Variants in BNIP3L observed in about 807,000 individuals in gnomAD.
BNIP3L encodes the protein BCL2/adenovirus E1B 19 kDa protein-interacting protein 3-like.
Under a neutral mutation model 25.5 loss-of-function variants are expected in BNIP3L, and 10 were observed. That is an observed-to-expected ratio of 0.39 (90% CI 0.24 to 0.67). The LOEUF is 0.67. Ranked by LOEUF, BNIP3L falls within the 30% of genes least tolerant of loss-of-function variation. The pLI is 0.45. For missense variants in BNIP3L, 215 were observed against 270.9 expected (o/e 0.79, Z 1.45); for synonymous variants, 113 against 101.2 (o/e 1.12, Z -0.70).
At chr8:26,392,469 A>G (rs918643450) in intron 2 of BNIP3L, among the ~76,000 whole-genome samples, 4 of 152,224 alleles carry the variant, frequency 2.6e-5, no homozygotes, top group Non-Finnish European at 5.9e-5. Flanking sequence ...AAAAGGAGAA[A>G]TGAGTTAAAT....
At chr8:26,395,062 G>A (rs548902780) in intron 2 of BNIP3L, among the ~76,000 whole-genome samples, 168 bp from the exon 3 acceptor site, 4 of 152,246 alleles carry the variant, frequency 2.6e-5, no homozygotes, top group African/African-American at 7.2e-5. Context: ...ATTTCATTTA[G>A]CCTTTTAATA....
intron 1 of BNIP3L, among the ~76,000 whole-genome samples, chr8:26,386,044 C>T (rs1442054644): frequency 6.6e-6 from 1 of 152,160 alleles, no homozygotes; most frequent in Non-Finnish European, 1.5e-5. Flanking sequence ...GGTAAAGTTG[C>T]ACAACTGAAA....
At chr8:26,407,901 CA>C in intron 3 of BNIP3L, 98 bp from the exon 4 acceptor site, 1 of 1,045,824 alleles carries the variant, frequency 9.6e-7, no homozygotes, top group African/African-American at 1.6e-5. Context: ...TTCTGAGACA[CA>C]ACCTTATGAG....
intron 2 of BNIP3L, among the ~76,000 whole-genome samples, chr8:26,392,637 A>G (rs1806139519): frequency 6.6e-6 from 1 of 151,742 alleles, no homozygotes. Flanking sequence ...CTCTTGTCAT[A>G]AGCGGAACCA....
chr8:26,410,279 G>A (rs1211950439), intron 5 of BNIP3L, 85 bp from the exon 6 acceptor site: 1 of 1,476,970 alleles, frequency 6.8e-7, no homozygotes, highest in African/African-American at 1.4e-5. Flanking sequence ...AAAGACTGAA[G>A]AGTTTTAAGT....
At chr8:26,404,311 AC>A (rs1023721174) in intron 3 of BNIP3L, among the ~76,000 whole-genome samples, 45 of 152,356 alleles carry the variant, frequency 3.0e-4, no homozygotes, top group African/African-American at 1.0e-3. Flanking sequence ...GTTGAGTGTT[AC>A]TGAAAAATGA....
At chr8:26,390,009 T>C (rs1288722361) in intron 1 of BNIP3L, among the ~76,000 whole-genome samples, 1 of 152,230 alleles carries the variant, frequency 6.6e-6, no homozygotes, top group African/African-American at 2.4e-5. Flanking sequence ...GTACATTTTC[T>C]AAAACAAAAT....
At position 26,383,244 on chromosome 8, in the gene BNIP3L, C is replaced by T. The variant is rs201404144; in HGVS notation, c.100+14C>T. 5 of 1,600,358 alleles carry T rather than the reference C, an allele frequency of 3.1e-6. No homozygotes were observed. In the African/African-American group the frequency reaches 6.7e-5, roughly 21 times the overall value. ...CCGGCCTCAACAGTGAGTGCGGGGC[C>T]GAGGCTCTGTGAAGGGGATGGGGGA... On this transcript the variant is annotated intron_variant, in intron 1 of 5. Coordinates refer to ENST00000380629, the MANE Select transcript of BNIP3L (RefSeq NM_004331.3).
chr8:26,404,718 G>C (rs921284695), intron 3 of BNIP3L, among the ~76,000 whole-genome samples: 1 of 152,160 alleles, frequency 6.6e-6, no homozygotes, highest in Non-Finnish European at 1.5e-5. Context: ...GTGCTGGCCA[G>C]GCTGGTCTCA....
In BNIP3L at chr8:26,410,637, CAG is replaced by C. The variant is rs1806601323; in HGVS notation, c.*228_*229del. ...CTGAAGACATTTTAGAATTTCCTAA[CAG>C]AGTTTACTGTTGTTTAGAAATTTGC... On this transcript the variant is annotated 3_prime_UTR_variant, in exon 6 of 6. Transcript: ENST00000380629. 9.1e-6 allele frequency: 5 copies of C among 549,232 alleles called. No individual in the cohort carries two copies. Among genetic ancestry groups the C allele is most frequent in the South Asian group, 8.6e-5 (4 of 46,344 alleles). The allele number at this position is 549,232 out of a possible 1,614,324, so 34.0% of individuals were successfully genotyped here.
At chr8:26,392,760 C>T (rs1313943658) in intron 2 of BNIP3L, among the ~76,000 whole-genome samples, 4 of 152,108 alleles carry the variant, frequency 2.6e-5, no homozygotes, top group African/African-American at 9.7e-5. Context: ...TGATGGGTTT[C>T]TCAAGTTTTC....
intron 1 of BNIP3L, among the ~76,000 whole-genome samples, chr8:26,385,614 GGGGCGA>G (rs1306178746): frequency 1.6e-5 from 2 of 126,224 alleles, no homozygotes; most frequent in South Asian, 2.6e-4. Flanking sequence ...AAAAAAAAAA[GGGGCGA>G]GGGCGGGGGC....
At chr8:26,403,080 G>T (rs2117488767) in intron 3 of BNIP3L, among the ~76,000 whole-genome samples, 1 of 152,242 alleles carries the variant, frequency 6.6e-6, no homozygotes, top group South Asian at 2.1e-4. Flanking sequence ...CCCTTCTCAG[G>T]ACCAAATCCC....
chr8:26,405,586 G>A (rs536871436), intron 3 of BNIP3L, among the ~76,000 whole-genome samples: 5 of 152,288 alleles, frequency 3.3e-5, no homozygotes, highest in East Asian at 3.9e-4. Flanking sequence ...GACCTGTCAA[G>A]AGTCATGTGA....
At chr8:26,408,922 C>T (rs1488034456) in intron 5 of BNIP3L, among the ~76,000 whole-genome samples, 1 of 148,196 alleles carries the variant, frequency 6.7e-6, no homozygotes, top group Non-Finnish European at 1.5e-5. Context: ...CCTAAATGAT[C>T]AAATGTAAGC....
intron 3 of BNIP3L, 129 bp from the exon 4 acceptor site, chr8:26,407,871 A>G: frequency 1.3e-6 from 1 of 763,118 alleles, no homozygotes; most frequent in Non-Finnish European, 2.1e-6. Flanking sequence ...TAGAAAAGCA[A>G]CATGTTTGTT....
Position 26,412,845 on chromosome 8 carries a change from CAA to C in BNIP3L, c.*2434_*2435del, listed in dbSNP as rs1202895932. The stretch of plus-strand genomic sequence containing the variant: ...GGCTCAAGATGTTTGTAAATAGAAT[CAA>C]GAGCAAAACTGCACAAACTTGCACA... On this transcript the variant is annotated 3_prime_UTR_variant, in exon 6 of 6. Coordinates refer to ENST00000380629, the MANE Select transcript of BNIP3L (RefSeq NM_004331.3). 1 of 152,566 alleles carries C rather than the reference CAA, an allele frequency of 6.6e-6. No individual in the cohort carries two copies. Among genetic ancestry groups the C allele is most frequent in the Non-Finnish European group, 1.5e-5 (1 of 68,030 alleles). 9.5% of individuals were successfully genotyped at this position (152,566 alleles called of 1,614,324 possible).
At chr8:26,404,642 G>A (rs1205909768) in intron 3 of BNIP3L, among the ~76,000 whole-genome samples, 1 of 152,132 alleles carries the variant, frequency 6.6e-6, no homozygotes, top group East Asian at 1.9e-4. Context: ...CAAGAAGCTG[G>A]GATTACAGGT....
chr8:26,398,577 A>G (rs1806299342), intron 3 of BNIP3L, among the ~76,000 whole-genome samples: 1 of 135,848 alleles, frequency 7.4e-6, no homozygotes, highest in South Asian at 2.6e-4. Flanking sequence ...GAAAAGCAAG[A>G]GCAAACACAT....
Sources: gnomAD v4.1 joint callset for allele counts (sites outside exome capture counted in the v4.1 genomes callset) on GRCh38, gnomAD v4.1.1 for gene constraint, MANE v1.5 for transcripts, NCBI Gene and HGNC (gene_info 2026-07-23, HGNC 2026-07-21) for gene names.